PSD3: variants seen among roughly 807,000 people sequenced by gnomAD.
PSD3 encodes the protein PH and SEC7 domain-containing protein 3.
Under a neutral mutation model 105.5 loss-of-function variants are expected in PSD3, and 49 were observed. That is an observed-to-expected ratio of 0.46 (90% CI 0.37 to 0.59). The LOEUF is 0.59. Among genes scored for constraint, PSD3 ranks in the 20% least tolerant of loss-of-function variants. PSD3 has a pLI of 0.00. For synonymous variants in PSD3, 557 were observed against 457.8 expected, an observed-to-expected ratio of 1.22 and a Z score of -2.77; for missense variants, 1,561 against 1,263.8, an observed-to-expected ratio of 1.24 and a Z score of -3.57.
chr8:18,888,993 C>T (rs189925972), intron 2 of PSD3, among the ~76,000 whole-genome samples: 2 of 152,240 alleles, frequency 1.3e-5, no homozygotes, highest in African/African-American at 2.4e-5. Flanking sequence ...ACAGACCTCC[C>T]ACCCCCACCC....
chr8:18,698,358 A>T (rs187574141), intron 9 of PSD3, among the ~76,000 whole-genome samples: 33 of 152,232 alleles, frequency 2.2e-4, no homozygotes, highest in East Asian at 1.9e-4. Context: ...GGCTCAAGTG[A>T]TCCTCCTGCC....
chr8:18,975,539 A>G (rs1824897957), intron 1 of PSD3, among the ~76,000 whole-genome samples: 1 of 152,190 alleles, frequency 6.6e-6, no homozygotes, highest in Non-Finnish European at 1.5e-5. Context: ...TTCTTTATCC[A>G]TAAGATTAAA....
In PSD3 at chr8:18,955,149, T is replaced by C. The variant is rs114739807; in HGVS notation, c.22-19007A>G. Among the ~76,000 whole-genome samples the C allele has an allele frequency of 5.0e-3, 763 of 152,278 alleles. 8 individuals carry two copies. The highest frequency in any genetic ancestry group is 0.017 in the African/African-American group (699 of 41,558). Reference sequence around the variant, plus strand: ...GCCAACTGTGGCTCTGCTCCAGGTGTGGGTAGGCTGAAGAAGATTCCCCCG... The same window carrying C: ...GCCAACTGTGGCTCTGCTCCAGGTGCGGGTAGGCTGAAGAAGATTCCCCCG... On this transcript the variant is annotated intron_variant, in intron 1 of 15. Transcript: ENST00000327040.
At chr8:18,671,504 C>T (rs189188548) in intron 9 of PSD3, among the ~76,000 whole-genome samples, 4 of 152,286 alleles carry the variant, frequency 2.6e-5, no homozygotes, top group African/African-American at 9.6e-5. Flanking sequence ...GAATCACTTT[C>T]TTTCTTATAC....
At chr8:19,015,152 G>C (rs569154670), upstream of PSD3, among the ~76,000 whole-genome samples, 1 of 152,126 alleles carries the variant, frequency 6.6e-6, no homozygotes, top group Admixed American at 6.5e-5. Flanking sequence ...TTCCTGGGCT[G>C]TTCTCGTCAT....
chr8:18,792,842 T>C (rs1809850125), intron 8 of PSD3, among the ~76,000 whole-genome samples: 1 of 152,158 alleles, frequency 6.6e-6, no homozygotes, highest in Non-Finnish European at 1.5e-5. Flanking sequence ...ACCCAAAGGA[T>C]TATAAATCAT....
In PSD3 at chr8:18,640,214, G is replaced by C. The variant is rs553142253; in HGVS notation, c.2217-7408C>G. On this transcript the variant is annotated intron_variant, in intron 10 of 15. Coordinates refer to ENST00000327040, the MANE Select transcript of PSD3 (RefSeq NM_015310.4). The stretch of plus-strand genomic sequence containing the variant: ...ATATTCCATGTGTCTCCACAGCATT[G>C]ACCCTAAATGGAAACCTATGCTGCT... 3.4e-4 allele frequency among the ~76,000 whole-genome samples: 52 copies of C among 152,168 alleles called. 1 individual carries two copies. Among genetic ancestry groups the C allele is most frequent in the South Asian group, 1.0e-3 (5 of 4,814 alleles).
intron 2 of PSD3, among the ~76,000 whole-genome samples, chr8:18,880,444 G>A (rs750924479): frequency 2.6e-5 from 4 of 152,206 alleles, no homozygotes; most frequent in African/African-American, 9.6e-5. Flanking sequence ...GTGTAGCAGA[G>A]AGGGCACAAG....
chr8:19,078,655 G>T lies in PSD3; in HGVS notation c.324+5551C>A, dbSNP rs10102868. On this transcript the variant is annotated intron_variant, in intron 1 of 1. Coordinates refer to the PSD3 transcript ENST00000521475. The stretch of plus-strand genomic sequence containing the variant: ...CACCCCTGTTAGCACAATGTGAGCC[G>T]CACCTACCTCTGTGCCCACCATAGT... Among the ~76,000 whole-genome samples the T allele has an allele frequency of 5.0e-3, 757 of 151,924 alleles. 5 individuals carry two copies. Among genetic ancestry groups the T allele is most frequent in the African/African-American group, 0.018 (740 of 41,410 alleles).
chr8:18,761,999 G>C (rs1311667981), intron 9 of PSD3, among the ~76,000 whole-genome samples: 1 of 152,172 alleles, frequency 6.6e-6, no homozygotes, highest in Non-Finnish European at 1.5e-5. Flanking sequence ...TTGGGTGAAA[G>C]AAGGGGCAGG....
chr8:19,082,111 G>C (rs1210914973), intron 1 of PSD3, among the ~76,000 whole-genome samples: 1 of 152,184 alleles, frequency 6.6e-6, no homozygotes, highest in Non-Finnish European at 1.5e-5. Context: ...AGTCTAGATA[G>C]CACCTTAATC....
chr8:18,572,729 C>T, intron 13 of PSD3, 57 bp from the exon 14 acceptor site: 1 of 1,568,018 alleles, frequency 6.4e-7, no homozygotes, highest in Non-Finnish European at 8.7e-7. Context: ...TAGCATCACA[C>T]TTTGCCTATT....
chr8:18,651,385 G>A (rs895695391), intron 10 of PSD3, among the ~76,000 whole-genome samples: 55 of 152,236 alleles, frequency 3.6e-4, no homozygotes, highest in African/African-American at 1.3e-3. Context: ...TCCTGCGCAA[G>A]TCTTCCATGC....
intron 1 of PSD3, among the ~76,000 whole-genome samples, chr8:19,073,026 A>C (rs1445950635): frequency 6.6e-6 from 1 of 152,180 alleles, no homozygotes; most frequent in Non-Finnish European, 1.5e-5. Context: ...GCTAGATTTT[A>C]TTAAAGATAA....
chr8:18,810,239 A>G (rs997183129), intron 4 of PSD3, among the ~76,000 whole-genome samples: 1 of 152,198 alleles, frequency 6.6e-6, no homozygotes, highest in Non-Finnish European at 1.5e-5. Flanking sequence ...AATCCTCAAC[A>G]CAAGGGGCGG....
intron 1 of PSD3, among the ~76,000 whole-genome samples, chr8:19,054,158 T>A (rs1287795685): frequency 6.6e-6 from 1 of 152,178 alleles, no homozygotes; most frequent in Non-Finnish European, 1.5e-5. Flanking sequence ...CATCCAGTGC[T>A]TTGGAAGCTA....
chr8:18,801,097 A>G (rs1810640312), intron 7 of PSD3, 173 bp downstream of exon 7: 1 of 442,484 alleles, frequency 2.3e-6, no homozygotes, highest in East Asian at 3.7e-5. Flanking sequence ...ACAAAACTCT[A>G]ATTCCAATTT....
intron 12 of PSD3, among the ~76,000 whole-genome samples, chr8:18,580,546 T>G (rs1802747641): frequency 6.6e-6 from 1 of 151,862 alleles, no homozygotes; most frequent in African/African-American, 2.4e-5. Flanking sequence ...TGAGAATCTG[T>G]GTCAAAAAAC....
At chr8:18,719,208 G>A (rs534914377) in intron 9 of PSD3, among the ~76,000 whole-genome samples, 49 of 152,224 alleles carry the variant, frequency 3.2e-4, no homozygotes, top group Non-Finnish European at 7.1e-4. Context: ...ATGAGTGGAC[G>A]CCACTGAGAT....
Sources: gnomAD v4.1 joint callset for allele counts (sites outside exome capture counted in the v4.1 genomes callset) on GRCh38, gnomAD v4.1.1 for gene constraint, MANE v1.5 for transcripts, NCBI Gene and HGNC (gene_info 2026-07-23, HGNC 2026-07-21) for gene names.